Variants in MAP3K5 observed in about 807,000 individuals in gnomAD.
The protein encoded by MAP3K5 is ASK-1.
In MAP3K5, 56 loss-of-function variants were observed where a neutral mutation model predicts 158.7. The ratio of observed to expected loss-of-function variants is 0.35; its 90% CI spans 0.28 to 0.44. MAP3K5 has a LOEUF of 0.44. Among genes scored for constraint, MAP3K5 ranks in the 20% least tolerant of loss-of-function variants. The pLI, the probability that MAP3K5 is intolerant of heterozygous loss-of-function variation, is 1.00. For missense variants in MAP3K5, 1,294 were observed against 1,674.8 expected, an observed-to-expected ratio of 0.77 and a Z score of 3.97; for synonymous variants, 579 against 601.7, an observed-to-expected ratio of 0.96 and a Z score of 0.55.
chr6:136,565,053 A>T (rs1450823687), intron 26 of MAP3K5, among the ~76,000 whole-genome samples: 2 of 152,030 alleles, frequency 1.3e-5, no homozygotes, highest in Non-Finnish European at 2.9e-5. Context: ...TTCACAAACT[A>T]TTTTTTTCTT....
intron 11 of MAP3K5, among the ~76,000 whole-genome samples, chr6:136,643,285 AAAAT>A (rs1347747621): frequency 6.6e-6 from 1 of 152,222 alleles, no homozygotes; most frequent in East Asian, 1.9e-4. Flanking sequence ...ATATGTCCCT[AAAAT>A]AAATAACAAA....
intron 3 of MAP3K5, among the ~76,000 whole-genome samples, chr6:136,700,752 C>T (rs997310571): frequency 2.0e-5 from 3 of 151,968 alleles, no homozygotes; most frequent in Non-Finnish European, 4.4e-5. Flanking sequence ...AAAATACAGA[C>T]CTGAGAATTA....
intron 9 of MAP3K5, among the ~76,000 whole-genome samples, chr6:136,658,313 C>CTTTCT (rs1385942479): frequency 1.5e-4 from 14 of 90,470 alleles, no homozygotes; most frequent in African/African-American, 6.1e-4. Context: ...TTCTTTCTTT[C>CTTTCT]TTTTTTTTTT....
intron 14 of MAP3K5, among the ~76,000 whole-genome samples, chr6:136,626,038 G>A (rs544878667): frequency 1.5e-3 from 226 of 152,130 alleles, no homozygotes; most frequent in Middle Eastern, 6.8e-3. Flanking sequence ...TACAAAATAC[G>A]AAAGACAAAA....
chr6:136,643,293 T>C (rs2114329088), intron 11 of MAP3K5, among the ~76,000 whole-genome samples: 1 of 152,196 alleles, frequency 6.6e-6, no homozygotes, highest in Admixed American at 6.5e-5. Flanking sequence ...CTAAAATAAA[T>C]AACAAAATGG....
chr6:136,716,174 C>CT (rs904820632), intron 2 of MAP3K5, among the ~76,000 whole-genome samples: 4 of 148,238 alleles, frequency 2.7e-5, no homozygotes, highest in Admixed American at 1.4e-4. Flanking sequence ...ATGCAAGAGA[C>CT]TTTTTTTACA....
At chr6:136,745,362 C>A (rs1782891871) in intron 1 of MAP3K5, among the ~76,000 whole-genome samples, 1 of 152,092 alleles carries the variant, frequency 6.6e-6, no homozygotes, top group Non-Finnish European at 1.5e-5. Context: ...ACTCTCAACA[C>A]ACGAATACAC....
At chr6:136,783,928 A>G (rs1784730074) in intron 1 of MAP3K5, among the ~76,000 whole-genome samples, 1 of 152,154 alleles carries the variant, frequency 6.6e-6, no homozygotes, top group Non-Finnish European at 1.5e-5. Context: ...TCCACAAAGA[A>G]AGTGTGAACC....
rs1302960156 is a variant in MAP3K5, at chr6:136,609,914, C to T, written c.2521+1368G>A. On this transcript the variant is annotated intron_variant, in intron 18 of 29. Transcript: ENST00000359015. The surrounding 1 kb of genome is among the most constrained non-coding windows in gnomAD (Gnocchi z 4.4). ...TTCAAGACCAGCCTGGGCAACATAGCAAGACCCAGTCTCAAAACAAAAACA... is the reference window on the plus strand; with the variant it reads ...TTCAAGACCAGCCTGGGCAACATAGTAAGACCCAGTCTCAAAACAAAAACA... 6.6e-6 allele frequency among the ~76,000 whole-genome samples: 1 copy of T among 151,304 alleles called. No homozygotes were observed. The highest frequency in any genetic ancestry group is 2.4e-5 in the African/African-American group (1 of 41,098).
intron 18 of MAP3K5, among the ~76,000 whole-genome samples, chr6:136,608,016 C>T (rs191552801): frequency 9.2e-5 from 14 of 152,178 alleles, no homozygotes; most frequent in African/African-American, 2.6e-4. Flanking sequence ...TGGACATCTG[C>T]GTTGAGACTG....
intron 1 of MAP3K5, among the ~76,000 whole-genome samples, chr6:136,726,636 G>A (rs1342912532): frequency 2.6e-5 from 4 of 151,686 alleles, no homozygotes; most frequent in African/African-American, 4.8e-5. Context: ...TACTTAGGCC[G>A]TCGTTTTTTA....
rs1161849132 is a variant in MAP3K5 at position 136,742,019 on chromosome 6, T to C, written c.449-21430A>G. 3.9e-5 allele frequency among the ~76,000 whole-genome samples: 6 copies of C among 152,186 alleles called. No individual in the cohort carries two copies. The South Asian group carries it at 1.2e-3, about 32-fold the overall frequency. ...AAAGAACTAAATAAATTGAGAGATA[T>C]TCCATGTTCATAGATAGGAAGACTC... On this transcript the variant is annotated intron_variant, in intron 1 of 29. Coordinates refer to ENST00000359015, the MANE Select transcript of MAP3K5 (RefSeq NM_005923.4).
chr6:136,688,645 AAAAC>A (rs1562614689), intron 7 of MAP3K5, among the ~76,000 whole-genome samples: 1 of 152,142 alleles, frequency 6.6e-6, no homozygotes, highest in Non-Finnish European at 1.5e-5. Context: ...AATTGAAACA[AAAAC>A]AAAACCAGAA....
chr6:136,639,274 A>C (rs1223161771), intron 13 of MAP3K5, among the ~76,000 whole-genome samples: 1 of 152,190 alleles, frequency 6.6e-6, no homozygotes, highest in African/African-American at 2.4e-5. Context: ...AATATGAGTT[A>C]TAATATTTAA....
chr6:136,586,348 G>T (rs763729590), intron 23 of MAP3K5, among the ~76,000 whole-genome samples: 1 of 152,030 alleles, frequency 6.6e-6, no homozygotes, highest in Non-Finnish European at 1.5e-5. Context: ...CTTTTTTTTC[G>T]ACATTAACTT....
chr6:136,757,124 G>C (rs759720251), intron 1 of MAP3K5, among the ~76,000 whole-genome samples: 4 of 152,182 alleles, frequency 2.6e-5, no homozygotes, highest in Non-Finnish European at 4.4e-5. Flanking sequence ...CCCAGGGAAG[G>C]TGTCGTAGGG....
chr6:136,673,725 GAA>G (rs1480761430), intron 7 of MAP3K5, among the ~76,000 whole-genome samples: 3 of 139,286 alleles, frequency 2.2e-5, no homozygotes. Flanking sequence ...AAAAAAAAAA[GAA>G]AACACACACA....
chr6:136,717,772 G>A (rs1240729253), intron 2 of MAP3K5, among the ~76,000 whole-genome samples: 1 of 152,144 alleles, frequency 6.6e-6, no homozygotes, highest in African/African-American at 2.4e-5. Flanking sequence ...GGACTCAGAG[G>A]AAATTGCTAG....
At chr6:136,718,443 C>T (rs1781616235) in intron 2 of MAP3K5, among the ~76,000 whole-genome samples, 1 of 152,168 alleles carries the variant, frequency 6.6e-6, no homozygotes. Context: ...CTCAAGTGAT[C>T]CAACTGCCTC....
Sources: allele counts gnomAD v4.1 joint callset (sites outside exome capture counted in the v4.1 genomes callset), GRCh38; gene constraint gnomAD v4.1.1; non-coding constraint Gnocchi (gnomAD v3.1); transcripts MANE v1.5; gene names NCBI Gene and HGNC (gene_info 2026-07-23, HGNC 2026-07-21).